Variants in BRINP1 observed in about 807,000 individuals in gnomAD.
The protein encoded by BRINP1 is BMP/retinoic acid inducible neural specific 1.
Under a neutral mutation model 72.9 loss-of-function variants are expected in BRINP1, and 17 were observed. That is an observed-to-expected ratio of 0.23 (90% CI 0.16 to 0.35). BRINP1 has a LOEUF of 0.35. Among genes scored for constraint, BRINP1 ranks in the 10% least tolerant of loss-of-function variants. The pLI, the probability that BRINP1 is intolerant of heterozygous loss-of-function variation, is 1.00. For synonymous variants in BRINP1, 418 were observed against 378.5 expected, an observed-to-expected ratio of 1.10 and a Z score of -1.21; for missense variants, 850 against 1,001.6, an observed-to-expected ratio of 0.85 and a Z score of 2.04.
At chr9:119,173,471 T>G (rs377409035) in intron 7 of BRINP1, among the ~76,000 whole-genome samples, 174 of 151,702 alleles carry the variant, frequency 1.1e-3, no homozygotes, top group African/African-American at 4.1e-3. Context: ...CACTGCTCAA[T>G]GAAATAAAAG....
At chr9:119,293,298 C>A (rs1480946071) in intron 2 of BRINP1, among the ~76,000 whole-genome samples, 2 of 150,160 alleles carry the variant, frequency 1.3e-5, no homozygotes, top group African/African-American at 4.9e-5. Flanking sequence ...TTTTTTTTTT[C>A]TGCAAGCTAA....
chr9:119,266,469 GA>G (rs1449561104), intron 2 of BRINP1, among the ~76,000 whole-genome samples: 1 of 152,306 alleles, frequency 6.6e-6, no homozygotes, highest in African/African-American at 2.4e-5. Flanking sequence ...TCAAGCTAAT[GA>G]ATATACCCAA....
chr9:119,217,767 T>C (rs1829994252), intron 5 of BRINP1, among the ~76,000 whole-genome samples: 1 of 152,210 alleles, frequency 6.6e-6, no homozygotes, highest in East Asian at 1.9e-4. Flanking sequence ...CATGATGGGA[T>C]ATCTCTATTT....
intron 7 of BRINP1, among the ~76,000 whole-genome samples, chr9:119,175,112 T>A (rs1315662665): frequency 4.7e-4 from 18 of 38,456 alleles, no homozygotes; most frequent in African/African-American, 8.6e-4. Flanking sequence ...AAACTTAAAG[T>A]AAAGTATAAA....
At chr9:119,313,455 A>C (rs1831090605) in intron 1 of BRINP1, 50 bp from the exon 2 acceptor site, 2 of 1,454,586 alleles carry the variant, frequency 1.4e-6, no homozygotes, top group African/African-American at 2.9e-5. Flanking sequence ...AAACCAAAAG[A>C]GAGAGAGGAG....
intron 2 of BRINP1, among the ~76,000 whole-genome samples, chr9:119,305,489 C>A (rs759762024): frequency 3.3e-5 from 5 of 152,208 alleles, no homozygotes; most frequent in Non-Finnish European, 7.3e-5. Context: ...AAAATACACA[C>A]AAAACACATG....
At chr9:119,190,965 G>T (rs987997635) in intron 7 of BRINP1, among the ~76,000 whole-genome samples, 1 of 151,890 alleles carries the variant, frequency 6.6e-6, no homozygotes, top group Non-Finnish European at 1.5e-5. Context: ...TCCCAGGAAC[G>T]CAAGGCTGGT....
At chr9:119,304,422 C>T (rs1307439181) in intron 2 of BRINP1, among the ~76,000 whole-genome samples, 2 of 152,132 alleles carry the variant, frequency 1.3e-5, no homozygotes, top group Non-Finnish European at 2.9e-5. Context: ...TGGAAGCTTC[C>T]ATCAAGGTGA....
chr9:119,257,749 C>A (rs1377281118), intron 2 of BRINP1, among the ~76,000 whole-genome samples: 2 of 152,096 alleles, frequency 1.3e-5, no homozygotes, highest in Non-Finnish European at 2.9e-5. Context: ...GAAGGCATTT[C>A]TCTTGCCTGC....
intron 2 of BRINP1, among the ~76,000 whole-genome samples, chr9:119,259,393 C>T (rs142300684): frequency 3.9e-5 from 6 of 152,260 alleles, no homozygotes; most frequent in African/African-American, 7.2e-5. Context: ...ACGTATCCTG[C>T]GGCAAGGCGT....
chr9:119,229,918 CAG>C (rs751730015), intron 5 of BRINP1, among the ~76,000 whole-genome samples: 2 of 151,828 alleles, frequency 1.3e-5, no homozygotes, highest in Non-Finnish European at 2.9e-5. Flanking sequence ...TGTATTGTGC[CAG>C]AGAGAGAGAT....
intron 2 of BRINP1, among the ~76,000 whole-genome samples, chr9:119,256,060 T>C (rs1411812244): frequency 2.0e-5 from 3 of 150,270 alleles, no homozygotes; most frequent in Non-Finnish European, 4.4e-5. Context: ...TCTCTACCTG[T>C]GAAATAAACT....
At position 119,184,082 on chromosome 9, in the gene BRINP1, G is replaced by C. The variant is rs1304783014; in HGVS notation, c.1146-15858C>G. Among the ~76,000 whole-genome samples the C allele has an allele frequency of 3.3e-5, 5 of 151,790 alleles. No homozygotes were observed. The East Asian group carries it at 7.7e-4, about 23-fold the overall frequency. On this transcript the variant is annotated intron_variant, in intron 7 of 7. Coordinates refer to ENST00000265922, the MANE Select transcript of BRINP1 (RefSeq NM_014618.3). Reference sequence around the variant, plus strand: ...AACAGGAAGCTACTTCCGAGCCACAGGGGGGGAGAAAAAAAGAAAAAACCA... The same window carrying C: ...AACAGGAAGCTACTTCCGAGCCACACGGGGGGAGAAAAAAAGAAAAAACCA...
At position 119,188,443 on chromosome 9, in the gene BRINP1, T is replaced by G. The variant is rs115484356; in HGVS notation, c.1146-20219A>C. Among the ~76,000 whole-genome samples the G allele has an allele frequency of 3.8e-3, 571 of 152,222 alleles. 1 individual carries two copies. The highest frequency in any genetic ancestry group is 0.013 in the African/African-American group (523 of 41,516). On this transcript the variant is annotated intron_variant, in intron 7 of 7. Coordinates refer to ENST00000265922, the MANE Select transcript of BRINP1 (RefSeq NM_014618.3). Reference sequence around the variant, plus strand: ...CCCAGACAAAGAAAAGCTGAGAAGATTCATCGCCACTAGACCAGCCTTAGA... The same window carrying G: ...CCCAGACAAAGAAAAGCTGAGAAGAGTCATCGCCACTAGACCAGCCTTAGA...
chr9:119,288,341 T>C (rs997270338), intron 2 of BRINP1, among the ~76,000 whole-genome samples: 7 of 140,200 alleles, frequency 5.0e-5, no homozygotes, highest in Non-Finnish European at 1.2e-4. Context: ...ACTTATTTTT[T>C]CTTTTTAAAT....
At chr9:119,243,323 C>A (rs1051610734) in intron 3 of BRINP1, among the ~76,000 whole-genome samples, 1 of 152,052 alleles carries the variant, frequency 6.6e-6, no homozygotes, top group African/African-American at 2.4e-5. Flanking sequence ...CTGTTCCTGC[C>A]TTAGTTTGGT....
At chr9:119,340,145 T>C (rs1469393863) in intron 1 of BRINP1, among the ~76,000 whole-genome samples, 2 of 152,146 alleles carry the variant, frequency 1.3e-5, no homozygotes, top group Non-Finnish European at 2.9e-5. Flanking sequence ...TTATTTAGAA[T>C]TCATACCCCA....
intron 2 of BRINP1, among the ~76,000 whole-genome samples, chr9:119,253,620 C>T (rs541677482): frequency 1.3e-4 from 20 of 150,848 alleles, no homozygotes; most frequent in Non-Finnish European, 2.4e-4. Context: ...TGGGGAGGAA[C>T]GAAGGGAAAA....
At chr9:119,259,785 CA>C (rs1479923834) in intron 2 of BRINP1, among the ~76,000 whole-genome samples, 1 of 152,158 alleles carries the variant, frequency 6.6e-6, no homozygotes, top group African/African-American at 2.4e-5. Flanking sequence ...ATAATTCTCT[CA>C]AAGACACACA....
Sources: gnomAD v4.1 joint callset for allele counts (sites outside exome capture counted in the v4.1 genomes callset) on GRCh38, gnomAD v4.1.1 for gene constraint, MANE v1.5 for transcripts, NCBI Gene and HGNC (gene_info 2026-07-23, HGNC 2026-07-21) for gene names.